DCLK1: variants seen among roughly 807,000 people sequenced by gnomAD.
The protein encoded by DCLK1 is doublecortin like kinase 1, also known as serine/threonine-protein kinase DCLK1.
In DCLK1, 16 loss-of-function variants were observed where a neutral mutation model predicts 86.2. The observed-to-expected ratio is 0.19, with a 90% confidence interval of 0.13 to 0.28. The LOEUF (loss-of-function observed/expected upper bound fraction) is 0.28. DCLK1 is among the 10% of genes least tolerant of loss of function. The pLI, the probability that DCLK1 is intolerant of heterozygous loss-of-function variation, is 1.00. For synonymous variants in DCLK1, 369 were observed against 370.5 expected (o/e 1.00, Z 0.05); for missense variants, 590 against 940.2 (o/e 0.63, Z 4.87).
At chr13:36,111,831 G>C (rs773123476) in intron 3 of DCLK1, 38 bp downstream of exon 3, 4 of 1,567,104 alleles carry the variant, frequency 2.6e-6, no homozygotes, top group Non-Finnish European at 3.5e-6. Flanking sequence ...CCTGGTTCTT[G>C]CCTTAAAGTC....
At chr13:35,795,849 C>A (rs187882018) in intron 15 of DCLK1, among the ~76,000 whole-genome samples, 2 of 150,136 alleles carry the variant, frequency 1.3e-5, no homozygotes, top group African/African-American at 5.0e-5. Flanking sequence ...TAGCTTGAGC[C>A]CGGAGGCGGA....
chr13:36,040,754 C>G (rs1160967713), intron 3 of DCLK1, among the ~76,000 whole-genome samples: 5 of 152,084 alleles, frequency 3.3e-5, no homozygotes, highest in Non-Finnish European at 5.9e-5. Context: ...TCCTCCCCCA[C>G]TTACTACCTA....
At chr13:36,072,030 C>G (rs1160534873) in intron 3 of DCLK1, among the ~76,000 whole-genome samples, 1 of 152,122 alleles carries the variant, frequency 6.6e-6, no homozygotes, top group Non-Finnish European at 1.5e-5. Flanking sequence ...AGATTGAAGC[C>G]ATTCTTACTA....
chr13:36,014,249 T>G (rs576018849), intron 3 of DCLK1, among the ~76,000 whole-genome samples: 1 of 152,262 alleles, frequency 6.6e-6, no homozygotes, highest in African/African-American at 2.4e-5. Flanking sequence ...CTCTAAAATT[T>G]TATAGAGAGC....
chr13:35,923,741 G>A (rs1566604930), intron 4 of DCLK1, among the ~76,000 whole-genome samples: 1 of 152,008 alleles, frequency 6.6e-6, no homozygotes, highest in South Asian at 2.1e-4. Context: ...AAGCATTAAC[G>A]TGTTAGACAT....
chr13:35,926,740 T>C (rs917200304), intron 4 of DCLK1, among the ~76,000 whole-genome samples: 1 of 152,224 alleles, frequency 6.6e-6, no homozygotes, highest in African/African-American at 2.4e-5. Flanking sequence ...TCATCTCTTT[T>C]GATCCTCATG....
At chr13:36,000,828 A>G (rs777753833) in intron 3 of DCLK1, among the ~76,000 whole-genome samples, 43 of 152,340 alleles carry the variant, frequency 2.8e-4, no homozygotes, top group Non-Finnish European at 5.6e-4. Flanking sequence ...CACATAGGTG[A>G]CATTCAATAA....
At chr13:36,105,354 T>C (rs1885354392) in intron 3 of DCLK1, among the ~76,000 whole-genome samples, 1 of 152,322 alleles carries the variant, frequency 6.6e-6, no homozygotes, top group African/African-American at 2.4e-5. Flanking sequence ...GCTTTTCCAT[T>C]ATAACAACTA....
At chr13:35,966,995 C>T (rs1277882559) in intron 3 of DCLK1, among the ~76,000 whole-genome samples, 15 of 150,104 alleles carry the variant, frequency 1.0e-4, no homozygotes, top group Non-Finnish European at 1.6e-4. Flanking sequence ...CCCTTCTGCC[C>T]GGCTGCCCAG....
chr13:35,985,503 C>T (rs188124270), intron 3 of DCLK1, among the ~76,000 whole-genome samples: 20 of 152,210 alleles, frequency 1.3e-4, no homozygotes, highest in African/African-American at 4.1e-4. Flanking sequence ...GGACAGGAGA[C>T]GAGGCTGTCA....
At chr13:36,079,493 A>T (rs906556623) in intron 3 of DCLK1, among the ~76,000 whole-genome samples, 3 of 152,062 alleles carry the variant, frequency 2.0e-5, no homozygotes, top group Non-Finnish European at 2.9e-5. Context: ...TTAGCCGGGC[A>T]TGGTGGCGGG....
intron 16 of DCLK1, 126 bp from the exon 17 acceptor site, chr13:35,774,825 A>G (rs2086396114): frequency 9.1e-7 from 1 of 1,100,650 alleles, no homozygotes; most frequent in South Asian, 1.6e-5. Context: ...ATCATGGCAC[A>G]CTTTTTGTTG....
In DCLK1 at chr13:35,931,188, C is replaced by G. The variant is rs79564869; in HGVS notation, c.823+16170G>C. ...GCTGTTGGTCTTTGGCTAGGCAGGCCTCTAGCAGCGTAACTCAGTTGGGAA... is the reference window on the plus strand; with the variant it reads ...GCTGTTGGTCTTTGGCTAGGCAGGCGTCTAGCAGCGTAACTCAGTTGGGAA... On this transcript the variant is annotated intron_variant, in intron 4 of 16. Transcript: ENST00000360631. Among the ~76,000 whole-genome samples, 217 of 152,162 alleles carry G rather than the reference C, an allele frequency of 1.4e-3. 5 individuals carry two copies. In the East Asian group the frequency reaches 0.042, roughly 29 times the overall value.
chr13:35,960,526 C>T (rs1205447029), intron 3 of DCLK1, among the ~76,000 whole-genome samples: 2 of 152,274 alleles, frequency 1.3e-5, no homozygotes, highest in Non-Finnish European at 2.9e-5. Flanking sequence ...GTCTCTGTTG[C>T]CCAGGCTGGA....
At position 35,774,466 on chromosome 13, in the gene DCLK1, A is replaced by C; in HGVS notation, c.*69T>G. On this transcript the variant is annotated 3_prime_UTR_variant, in exon 17 of 17. Coordinates refer to ENST00000360631, the MANE Select transcript of DCLK1 (RefSeq NM_001330071.2). ...GATAGATCAGATGAAACTGTTTTACACAAATTTGGGGGAAAAAAATCTCAG... is the reference window on the plus strand; with the variant it reads ...GATAGATCAGATGAAACTGTTTTACCCAAATTTGGGGGAAAAAAATCTCAG... 5 of 1,507,064 alleles carry C rather than the reference A, an allele frequency of 3.3e-6. No homozygotes were observed. Among genetic ancestry groups the C allele is most frequent in the Non-Finnish European group, 4.5e-6 (5 of 1,112,568 alleles). 93.4% of individuals were successfully genotyped at this position (1,507,064 alleles called of 1,614,324 possible). A position where few individuals can be genotyped will look rare whatever the true frequency, so the allele number is the denominator to read the frequency against.
chr13:35,808,989 G>A (rs774235262), intron 13 of DCLK1, 29 bp downstream of exon 13: 46 of 1,596,034 alleles, frequency 2.9e-5, no homozygotes, highest in East Asian at 2.2e-4. Flanking sequence ...ATGCTTTGTC[G>A]GCGCTGAATA....
intron 5 of DCLK1, among the ~76,000 whole-genome samples, chr13:35,867,961 G>GAAAGAAAA (rs1170068091): frequency 6.8e-6 from 1 of 147,176 alleles, no homozygotes; most frequent in Non-Finnish European, 1.5e-5. Context: ...AAGAAAGAAA[G>GAAAGAAAA]AAAGAGAAAA....
At chr13:36,036,468 T>C (rs565666158) in intron 3 of DCLK1, among the ~76,000 whole-genome samples, 1 of 152,316 alleles carries the variant, frequency 6.6e-6, no homozygotes, top group South Asian at 2.1e-4. Context: ...TGGTATGTTT[T>C]TTCTTGGACT....
In DCLK1 at chr13:35,773,359, A is replaced by C. The variant is rs2086367390; in HGVS notation, c.*1176T>G. 1 of 152,108 alleles carries C rather than the reference A, an allele frequency of 6.6e-6. No individual in the cohort carries two copies. Among genetic ancestry groups the C allele is most frequent in the Non-Finnish European group, 1.5e-5 (1 of 67,982 alleles). 9.4% of individuals were successfully genotyped at this position (152,108 alleles called of 1,614,324 possible). A position where few individuals can be genotyped will look rare whatever the true frequency, so the allele number is the denominator to read the frequency against. ...GGTATCATCTAGGTCTTTCATCCTG[A>C]TCTTCCTAGGAGACTATATAGGTAA... On this transcript the variant is annotated 3_prime_UTR_variant, in exon 17 of 17. Transcript: ENST00000360631.
Sources: allele counts gnomAD v4.1 joint callset (sites outside exome capture counted in the v4.1 genomes callset), GRCh38; gene constraint gnomAD v4.1.1; transcripts MANE v1.5; gene names NCBI Gene and HGNC (gene_info 2026-07-23, HGNC 2026-07-21).